The following DCUN1D4 variants were observed in gnomAD, a reference collection of about 807,000 sequenced individuals.
DCUN1D4 encodes defective in cullin neddylation 1 domain containing 4.
A neutral mutation model predicts 47.9 loss-of-function variants in DCUN1D4; 22 were observed. That is an observed-to-expected ratio of 0.46 (90% confidence interval 0.33 to 0.66). The LOEUF (loss-of-function observed/expected upper bound fraction) is 0.66. Among genes scored for constraint, DCUN1D4 ranks in the 30% least tolerant of loss-of-function variants. The pLI is 0.02. For missense variants in DCUN1D4, 301 were observed against 340.8 expected, an observed-to-expected ratio of 0.88 and a Z score of 0.92; for synonymous variants, 121 against 112.2, an observed-to-expected ratio of 1.08 and a Z score of -0.50.
At chr4:51,879,912 C>G (rs1354799881) in intron 5 of DCUN1D4, among the ~76,000 whole-genome samples, 1 of 152,110 alleles carries the variant, frequency 6.6e-6, no homozygotes, top group Admixed American at 6.5e-5. Flanking sequence ...GTTTGCCTTT[C>G]TCTGACTTTA....
At chr4:51,843,414 G>T (rs1035997888) in intron 1 of DCUN1D4, 147 bp downstream of exon 1, 163 of 1,280,244 alleles carry the variant, frequency 1.3e-4, no homozygotes, top group Non-Finnish European at 2.4e-5. Context: ...TCCCGGGGCC[G>T]GGGCGGGCGG....
intron 6 of DCUN1D4, among the ~76,000 whole-genome samples, chr4:51,888,844 C>T (rs1029653369): frequency 2.6e-5 from 4 of 152,046 alleles, no homozygotes; most frequent in Non-Finnish European, 4.4e-5. Context: ...TGGTGGCTCA[C>T]GCCTGTAATC....
chr4:51,848,340 C>T, intron 1 of DCUN1D4: 1 of 1,283,950 alleles, frequency 7.8e-7, no homozygotes, highest in South Asian at 1.2e-5. Context: ...AGCGTCCTAC[C>T]TGCACAAGGT....
the DCUN1D4 span, among the ~76,000 whole-genome samples, chr4:51,836,502 C>A: frequency 6.6e-6 from 1 of 152,048 alleles, no homozygotes; most frequent in Non-Finnish European, 1.5e-5. Context: ...TTCTTCAGTG[C>A]TTGGATTCAT....
At chr4:51,862,470 G>C (rs748017700) in intron 1 of DCUN1D4, among the ~76,000 whole-genome samples, 4 of 152,150 alleles carry the variant, frequency 2.6e-5, no homozygotes, top group Non-Finnish European at 4.4e-5. Flanking sequence ...TCTGATACGT[G>C]TCCTAAATAA....
chr4:51,859,414 A>T (rs1316695169), intron 1 of DCUN1D4, among the ~76,000 whole-genome samples: 1 of 151,954 alleles, frequency 6.6e-6, no homozygotes. Context: ...TCTGTTTCTA[A>T]CCCTCTTATG....
intron 6 of DCUN1D4, among the ~76,000 whole-genome samples, chr4:51,887,904 G>GT (rs76995556): frequency 0.018 from 2,350 of 128,318 alleles, 52 homozygotes; most frequent in African/African-American, 0.05. Flanking sequence ...TTTTTTTTTG[G>GT]TTTTTTTTTT....
At chr4:51,898,260 A>G (rs996030190) in intron 7 of DCUN1D4, among the ~76,000 whole-genome samples, 1 of 152,194 alleles carries the variant, frequency 6.6e-6, no homozygotes, top group African/African-American at 2.4e-5. Flanking sequence ...AGAGAGAGTG[A>G]GGACCCATGG....
Position 51,915,822 on chromosome 4 carries a change from C to T in DCUN1D4, c.*2238C>T, listed in dbSNP as rs995339523. The T allele has an allele frequency of 6.6e-6, 1 of 152,502 alleles. No homozygotes were observed. The highest frequency in any genetic ancestry group is 1.5e-5 in the Non-Finnish European group (1 of 67,968). 9.4% of individuals were successfully genotyped at this position (152,502 alleles called of 1,614,324 possible). ...TGGTAGGGAAAAAACTGCGTAAAAA[C>T]TATTGCATTATGTATGATAAGAAAG... On this transcript the variant is annotated 3_prime_UTR_variant, in exon 11 of 11. Coordinates refer to ENST00000334635, the MANE Select transcript of DCUN1D4 (RefSeq NM_001040402.3).
At chr4:51,850,020 T>A (rs1247324843) in intron 1 of DCUN1D4, among the ~76,000 whole-genome samples, 1 of 152,122 alleles carries the variant, frequency 6.6e-6, no homozygotes, top group Non-Finnish European at 1.5e-5. Flanking sequence ...TATAGAACAT[T>A]TCATTACCCC....
chr4:51,906,440 T>C (rs1487930964), intron 8 of DCUN1D4, among the ~76,000 whole-genome samples: 1 of 152,230 alleles, frequency 6.6e-6, no homozygotes, highest in Admixed American at 6.5e-5. Flanking sequence ...CTAAATCTCC[T>C]GCAATCATTT....
intron 1 of DCUN1D4, among the ~76,000 whole-genome samples, chr4:51,861,317 G>T (rs1577882788): frequency 6.6e-6 from 1 of 152,114 alleles, no homozygotes; most frequent in South Asian, 2.1e-4. Flanking sequence ...AGGGCAGTGG[G>T]CAGAATGTGG....
chr4:51,884,076 G>GTT (rs1560492561), intron 5 of DCUN1D4, among the ~76,000 whole-genome samples: 1 of 151,564 alleles, frequency 6.6e-6, no homozygotes, highest in Non-Finnish European at 1.5e-5. Flanking sequence ...CCAGAAAAAA[G>GTT]TAACAGATTT....
At chr4:51,873,141 G>A (rs927198621) in intron 3 of DCUN1D4, among the ~76,000 whole-genome samples, 2 of 152,144 alleles carry the variant, frequency 1.3e-5, no homozygotes, top group African/African-American at 2.4e-5. Context: ...CACCCTTCAC[G>A]CTCTCCTGTC....
rs770642565 is a variant in DCUN1D4, at chr4:51,886,676, T to C, written c.414+38T>C. 8 of 1,514,358 alleles carry C rather than the reference T, an allele frequency of 5.3e-6. No homozygotes were observed. The Admixed American group carries it at 1.2e-4, about 22-fold the overall frequency. 93.8% of individuals were successfully genotyped at this position (1,514,358 alleles called of 1,614,324 possible). A position where few individuals can be genotyped will look rare whatever the true frequency, so the allele number is the denominator to read the frequency against. On this transcript the variant is annotated intron_variant, in intron 6 of 10. Coordinates refer to ENST00000334635, the MANE Select transcript of DCUN1D4 (RefSeq NM_001040402.3). Reference sequence around the variant, plus strand: ...TACTGAGTTGGGTGAATCAGTTGGTTGTTTTTCATACTTAAATCTTTGTTC... The same window carrying C: ...TACTGAGTTGGGTGAATCAGTTGGTCGTTTTTCATACTTAAATCTTTGTTC...
chr4:51,884,742 C>T (rs183338318), intron 5 of DCUN1D4, among the ~76,000 whole-genome samples: 2 of 152,176 alleles, frequency 1.3e-5, no homozygotes, highest in East Asian at 1.9e-4. Context: ...CCTAGCATTG[C>T]GAGGGGTCAC....
chr4:51,896,176 A>G (rs1731234902), intron 7 of DCUN1D4, among the ~76,000 whole-genome samples: 1 of 152,152 alleles, frequency 6.6e-6, no homozygotes, highest in African/African-American at 2.4e-5. Flanking sequence ...TGTGTTTTTT[A>G]TGTTTAAAGC....
intron 1 of DCUN1D4, chr4:51,845,023 A>C (rs1434682355): frequency 1.0e-6 from 1 of 985,342 alleles, no homozygotes; most frequent in Non-Finnish European, 1.2e-6. Flanking sequence ...CTTCACGCTT[A>C]GGTTCTTGGT....
chr4:51,888,872 C>A (rs149983012), intron 6 of DCUN1D4, among the ~76,000 whole-genome samples: 3 of 151,968 alleles, frequency 2.0e-5, no homozygotes, highest in Non-Finnish European at 4.4e-5. Context: ...TTTGAGAGGC[C>A]GAGGTGGGTG....
Sources: gnomAD v4.1 joint callset for allele counts (sites outside exome capture counted in the v4.1 genomes callset) on GRCh38, gnomAD v4.1.1 for gene constraint, MANE v1.5 for transcripts, NCBI Gene and HGNC (gene_info 2026-07-23, HGNC 2026-07-21) for gene names.